The following ZMIZ1 variants were observed in gnomAD, a reference collection of about 807,000 sequenced individuals.
ZMIZ1 encodes the protein zinc finger MIZ domain-containing protein 1.
A neutral mutation model predicts 113.9 loss-of-function variants in ZMIZ1; 17 were observed. The observed-to-expected ratio is 0.15, with a 90% confidence interval of 0.10 to 0.22. The LOEUF is 0.22. Ranked by LOEUF, ZMIZ1 falls within the 10% of genes least tolerant of loss-of-function variation. ZMIZ1 has a pLI of 1.00. For synonymous variants in ZMIZ1, 607 were observed against 603.1 expected, an observed-to-expected ratio of 1.01 and a Z score of -0.09; for missense variants, 1,059 against 1,477.8, an observed-to-expected ratio of 0.72 and a Z score of 4.65.
chr10:79,192,443 G>A (rs1176835168), intron 4 of ZMIZ1, among the ~76,000 whole-genome samples: 2 of 152,218 alleles, frequency 1.3e-5, no homozygotes, highest in African/African-American at 4.8e-5. Context: ...GTGTTCCCGT[G>A]AACAAGGATG....
At chr10:79,273,424 C>T (rs906360662) in intron 7 of ZMIZ1, among the ~76,000 whole-genome samples, 5 of 152,118 alleles carry the variant, frequency 3.3e-5, no homozygotes, top group African/African-American at 7.2e-5. Flanking sequence ...GGCAGTGACG[C>T]GATCTCAGAT....
At chr10:79,211,822 C>T (rs1337250099) in intron 6 of ZMIZ1, among the ~76,000 whole-genome samples, 1 of 152,238 alleles carries the variant, frequency 6.6e-6, no homozygotes, top group Non-Finnish European at 1.5e-5. Flanking sequence ...TGGGCGCCCT[C>T]TCCCTCCCGT....
chr10:79,162,963 C>T (rs879378518), intron 4 of ZMIZ1, among the ~76,000 whole-genome samples: 13 of 152,254 alleles, frequency 8.5e-5, no homozygotes, highest in Non-Finnish European at 1.9e-4. Context: ...CCAGCTCTGT[C>T]CCGTGCCCCA....
At chr10:79,241,741 AGT>A (rs1042947375) in intron 7 of ZMIZ1, among the ~76,000 whole-genome samples, 2 of 152,108 alleles carry the variant, frequency 1.3e-5, no homozygotes, top group African/African-American at 4.8e-5. Flanking sequence ...TTTCTAGATA[AGT>A]GATTTGTCCC....
At chr10:79,070,176 C>T (rs898203763) in intron 1 of ZMIZ1, among the ~76,000 whole-genome samples, 1 of 151,924 alleles carries the variant, frequency 6.6e-6, no homozygotes, top group African/African-American at 2.4e-5. Flanking sequence ...TGGAAGCTTG[C>T]TTCACATTCC....
intron 4 of ZMIZ1, among the ~76,000 whole-genome samples, chr10:79,193,669 T>G (rs2132621474): frequency 6.6e-6 from 1 of 151,564 alleles, no homozygotes; most frequent in South Asian, 2.1e-4. Flanking sequence ...ACGATGGGGG[T>G]GTGTGACAGC....
chr10:79,096,329 T>C (rs1843166815), intron 1 of ZMIZ1, among the ~76,000 whole-genome samples: 1 of 151,918 alleles, frequency 6.6e-6, no homozygotes, highest in Non-Finnish European at 1.5e-5. Flanking sequence ...GCTAACACGG[T>C]GAAACCCTGT....
At chr10:79,090,244 TGTGGTGCCCCTGAGCA>T (rs1842946318) in intron 1 of ZMIZ1, among the ~76,000 whole-genome samples, 1 of 152,210 alleles carries the variant, frequency 6.6e-6, no homozygotes, top group African/African-American at 2.4e-5. Context: ...CTTAGTGTTT[TGTGGTGCCCCTGAGCA>T]GTGGGGAGGG....
At chr10:79,256,975 C>T (rs1850949112) in intron 7 of ZMIZ1, among the ~76,000 whole-genome samples, 1 of 152,224 alleles carries the variant, frequency 6.6e-6, no homozygotes, top group Admixed American at 6.5e-5. Context: ...GTGACGTCTT[C>T]AGGCTTCTAT....
chr10:79,106,366 G>T (rs1186585097), intron 1 of ZMIZ1, among the ~76,000 whole-genome samples: 2 of 152,346 alleles, frequency 1.3e-5, no homozygotes, highest in Admixed American at 6.5e-5. Context: ...GTGCTATACA[G>T]AATAGCAATT....
chr10:79,155,944 A>C (rs1845889379), intron 3 of ZMIZ1, among the ~76,000 whole-genome samples: 1 of 152,192 alleles, frequency 6.6e-6, no homozygotes. Flanking sequence ...CTCTGTGCAC[A>C]TGCCCCTAGT....
At chr10:79,287,176 G>A (rs939340060) in intron 8 of ZMIZ1, among the ~76,000 whole-genome samples, 10 of 152,258 alleles carry the variant, frequency 6.6e-5, no homozygotes, top group Admixed American at 1.3e-4. Flanking sequence ...GTGGTGTGCC[G>A]GGTCCCCAGT....
At chr10:79,292,782 CCCCAGTGCTGCTCCCTGA>C (rs1210138217) in intron 11 of ZMIZ1, 1 of 465,336 alleles carries the variant, frequency 2.1e-6, no homozygotes, top group Non-Finnish European at 4.3e-6. Context: ...TCTGCGCAGG[CCCCAGTGCTGCTCCCTGA>C]CCTTCTGAAG....
rs1289831161 is a variant in ZMIZ1, at chr10:79,313,289, C to T, written c.*540C>T. 2 of 154,558 alleles carry T rather than the reference C, an allele frequency of 1.3e-5. No individual in the cohort carries two copies. The highest frequency in any genetic ancestry group is 2.9e-5 in the Non-Finnish European group (2 of 69,640). 9.6% of individuals were successfully genotyped at this position (154,558 alleles called of 1,614,324 possible). Reference sequence around the variant, plus strand: ...GACCAGCCCACCCACCACCACCCACCACAGAAAAGCACAAACCTCTGGGAA... The same window carrying T: ...GACCAGCCCACCCACCACCACCCACTACAGAAAAGCACAAACCTCTGGGAA... On this transcript the variant is annotated 3_prime_UTR_variant, in exon 25 of 25. Coordinates refer to ENST00000334512, the MANE Select transcript of ZMIZ1 (RefSeq NM_020338.4).
intron 1 of ZMIZ1, among the ~76,000 whole-genome samples, chr10:79,092,058 C>T (rs755676143): frequency 3.9e-5 from 6 of 152,130 alleles, no homozygotes; most frequent in Admixed American, 6.5e-5. Flanking sequence ...AGCCCCGCTC[C>T]ATGCTGAGTG....
intron 1 of ZMIZ1, among the ~76,000 whole-genome samples, chr10:79,111,169 C>A (rs540681103): frequency 2.2e-4 from 34 of 152,300 alleles, no homozygotes; most frequent in African/African-American, 8.2e-4. Context: ...GTAGAGGATG[C>A]AATGTCCCCA....
intron 16 of ZMIZ1, among the ~76,000 whole-genome samples, chr10:79,299,443 G>A (rs1854143014): frequency 6.6e-6 from 1 of 152,258 alleles, no homozygotes; most frequent in Non-Finnish European, 1.5e-5. Context: ...AGGAAAAGGT[G>A]GCTGGCTCAG....
rs942595508 is a variant in ZMIZ1, at chr10:79,160,568, C to T, written c.-130-1485C>T. On this transcript the variant is annotated intron_variant, in intron 3 of 24. Coordinates refer to ENST00000334512, the MANE Select transcript of ZMIZ1 (RefSeq NM_020338.4). ...CTGAGGCAGAGGGAGGCTTAAGAAA[C>T]GTGTCCAAGTCACACACTTGGTACG... Among the ~76,000 whole-genome samples the T allele has an allele frequency of 3.3e-5, 5 of 152,366 alleles. 1 individual carries two copies. In the Middle Eastern group the frequency reaches 0.01, roughly 311 times the overall value.
intron 17 of ZMIZ1, among the ~76,000 whole-genome samples, chr10:79,301,371 C>T (rs1278519946): frequency 1.1e-4 from 17 of 152,082 alleles, no homozygotes; most frequent in African/African-American, 4.1e-4. Flanking sequence ...CTGGAGTTAA[C>T]GCGTTCCCTT....
Sources: gnomAD v4.1 joint callset for allele counts (sites outside exome capture counted in the v4.1 genomes callset) on GRCh38, gnomAD v4.1.1 for gene constraint, MANE v1.5 for transcripts, NCBI Gene and HGNC (gene_info 2026-07-23, HGNC 2026-07-21) for gene names.